Variants in ARID5B observed in about 807,000 individuals in gnomAD.
ARID5B encodes AT-rich interactive domain-containing protein 5B.
In ARID5B, 13 loss-of-function variants were observed where a neutral mutation model predicts 97.2. The ratio of observed to expected loss-of-function variants is 0.13; its 90% confidence interval spans 0.09 to 0.21. The LOEUF (loss-of-function observed/expected upper bound fraction) is 0.21. Ranked by LOEUF, ARID5B falls within the 10% of genes least tolerant of loss-of-function variation. The pLI, the probability that ARID5B is intolerant of heterozygous loss-of-function variation, is 1.00. For missense variants in ARID5B, 1,210 were observed against 1,465.3 expected (o/e 0.83, Z 2.84); for synonymous variants, 556 against 570.3 (o/e 0.97, Z 0.36).
chr10:62,086,283 G>T (rs897124861), intron 9 of ARID5B, among the ~76,000 whole-genome samples: 3 of 152,162 alleles, frequency 2.0e-5, no homozygotes, highest in Non-Finnish European at 2.9e-5. Flanking sequence ...CTGAGGTGCT[G>T]GTGCGACTTT....
At chr10:61,932,553 G>T (rs1349206802) in intron 2 of ARID5B, among the ~76,000 whole-genome samples, 1 of 151,890 alleles carries the variant, frequency 6.6e-6, no homozygotes, top group Non-Finnish European at 1.5e-5. Context: ...GGAACTATGG[G>T]TGTGTGCCAC....
intron 2 of ARID5B, among the ~76,000 whole-genome samples, chr10:61,914,553 G>A (rs10509164): frequency 0.074 from 11,288 of 152,164 alleles, 543 homozygotes; most frequent in East Asian, 0.13. Context: ...CCGAATTCAC[G>A]CTTCCTTCTA....
rs1249260993 is a variant in ARID5B, at chr10:62,050,913, C to G, written c.759C>G (p.Arg253=). 6.2e-7 allele frequency: 1 copy of G among 1,614,130 alleles called. No individual in the cohort carries two copies. Among genetic ancestry groups the G allele is most frequent in the Admixed American group, 1.7e-5 (1 of 60,030 alleles). The change falls in exon 5 of 10, where the codon CGC becomes CGG. Residue 253 remains arginine (R), a synonymous_variant. Transcript: ENST00000279873. ...CGCCAAATCTTAAAGGCAGACCACG[C>G]AAAAAGAAACCATGCCCACAAAGAA... ...EFAPNLKGRP[R]KKKPCPQRRD... is the part of the protein sequence containing the mutation.
intron 3 of ARID5B, among the ~76,000 whole-genome samples, chr10:61,998,432 G>T (rs1245496382): frequency 6.6e-6 from 1 of 152,194 alleles, no homozygotes; most frequent in Non-Finnish European, 1.5e-5. Flanking sequence ...TGATGGGGTG[G>T]TTGCGGAGTG....
intron 4 of ARID5B, among the ~76,000 whole-genome samples, chr10:62,001,016 A>G (rs1439293973): frequency 2.0e-5 from 3 of 152,192 alleles, no homozygotes; most frequent in Non-Finnish European, 4.4e-5. Context: ...ACGTGTCTCT[A>G]CATGTAGACA....
intron 2 of ARID5B, among the ~76,000 whole-genome samples, chr10:61,914,670 T>G (rs1843867985): frequency 6.6e-6 from 1 of 152,212 alleles, no homozygotes. Context: ...GAAGTCAAAG[T>G]CACAACATTT....
At chr10:61,946,728 C>G (rs1159064466) in intron 3 of ARID5B, among the ~76,000 whole-genome samples, 1 of 152,142 alleles carries the variant, frequency 6.6e-6, no homozygotes, top group African/African-American at 2.4e-5. Flanking sequence ...CAAGATCAGC[C>G]TGGACAACAT....
chr10:61,990,447 C>G (rs186332524), intron 3 of ARID5B, among the ~76,000 whole-genome samples: 258 of 152,350 alleles, frequency 1.7e-3, no homozygotes, highest in Admixed American at 3.6e-3. Flanking sequence ...ATTCCTTCAG[C>G]CTTTTAGGAA....
chr10:62,001,159 A>T lies in ARID5B; in HGVS notation c.733+838A>T, dbSNP rs556952546. Among the ~76,000 whole-genome samples, 375 of 152,274 alleles carry T rather than the reference A, an allele frequency of 2.5e-3. 1 individual carries two copies. The highest frequency in any genetic ancestry group is 3.9e-3 in the Non-Finnish European group (267 of 68,016). ...CTCATCTGTTTGTTGAGGAGACTGG[A>T]TCATATCAGTGGTTTTCAGCAGGCT... is the stretch of plus-strand genomic sequence containing the variant. On this transcript the variant is annotated intron_variant, in intron 4 of 9. Transcript: ENST00000279873.
intron 8 of ARID5B, among the ~76,000 whole-genome samples, chr10:62,072,430 AG>A (rs1457322737): frequency 1.3e-5 from 2 of 152,230 alleles, no homozygotes; most frequent in Non-Finnish European, 2.9e-5. Flanking sequence ...AGCTGACAAA[AG>A]GGATGTGTAA....
intron 3 of ARID5B, among the ~76,000 whole-genome samples, chr10:61,969,487 G>C (rs1433292522): frequency 6.6e-6 from 1 of 151,980 alleles, no homozygotes; most frequent in Admixed American, 6.6e-5. Context: ...GAAATAGACA[G>C]GTCTTTGCTC....
chr10:62,048,183 G>A (rs1839736558), intron 4 of ARID5B, among the ~76,000 whole-genome samples: 1 of 152,208 alleles, frequency 6.6e-6, no homozygotes, highest in African/African-American at 2.4e-5. Flanking sequence ...ATGAGGACAG[G>A]AAAGAACAGT....
rs138500979 is a variant in ARID5B at position 62,088,128 on chromosome 10, A to G, written c.1398+2228A>G. Among the ~76,000 whole-genome samples the G allele has an allele frequency of 5.1e-3, 769 of 152,202 alleles. 11 individuals are homozygous for G. The highest frequency in any genetic ancestry group is 0.018 in the African/African-American group (733 of 41,518). On this transcript the variant is annotated intron_variant, in intron 9 of 9. Coordinates refer to ENST00000279873, the MANE Select transcript of ARID5B (RefSeq NM_032199.3). ...ATGATCCTCCTGCCTTGGCCTCCCA[A>G]CGTGCTGAGATTACAGGTGTGAGCC...
chr10:62,063,015 C>T (rs1839941985), intron 7 of ARID5B, among the ~76,000 whole-genome samples: 1 of 152,196 alleles, frequency 6.6e-6, no homozygotes, highest in Non-Finnish European at 1.5e-5. Flanking sequence ...CTAGCAATCA[C>T]TAATCTAAAA....
chr10:61,950,167 C>T (rs1838304023), intron 3 of ARID5B, among the ~76,000 whole-genome samples: 1 of 152,162 alleles, frequency 6.6e-6, no homozygotes, highest in Non-Finnish European at 1.5e-5. Context: ...GCCACCACGC[C>T]CAGCTAATTT....
chr10:61,907,233 AT>A (rs36040309), intron 2 of ARID5B, among the ~76,000 whole-genome samples: 57,634 of 151,272 alleles, frequency 0.38, 11,757 homozygotes, highest in Non-Finnish European at 0.46. Flanking sequence ...GATCAGCAGG[AT>A]TTTTTTTTTC....
chr10:62,068,658 G>T (rs186599108), intron 7 of ARID5B, among the ~76,000 whole-genome samples: 2 of 151,590 alleles, frequency 1.3e-5, no homozygotes, highest in South Asian at 2.1e-4. Context: ...CCTTTGCCAC[G>T]CCCTGTCCCC....
At chr10:62,052,606 GC>G (rs1191131623) in intron 5 of ARID5B, among the ~76,000 whole-genome samples, 1 of 152,192 alleles carries the variant, frequency 6.6e-6, no homozygotes, top group Non-Finnish European at 1.5e-5. Flanking sequence ...ATCTGAAAGA[GC>G]AGACCTCCAA....
intron 3 of ARID5B, among the ~76,000 whole-genome samples, chr10:61,956,009 T>C (rs1331635509): frequency 6.6e-6 from 1 of 152,202 alleles, no homozygotes; most frequent in African/African-American, 2.4e-5. Flanking sequence ...TTTTATTACT[T>C]TGTGAGATAG....
Sources: gnomAD v4.1 joint callset for allele counts (sites outside exome capture counted in the v4.1 genomes callset) on GRCh38, gnomAD v4.1.1 for gene constraint, MANE v1.5 for transcripts, NCBI Gene and HGNC (gene_info 2026-07-23, HGNC 2026-07-21) for gene names.